The following XYLT2 variants were observed in gnomAD, a reference collection of about 807,000 sequenced individuals.
The protein encoded by XYLT2 is xylosyltransferase 2, also known as UDP-D-xylose:proteoglycan core protein beta-D-xylosyltransferase.
A neutral mutation model predicts 82.6 loss-of-function variants in XYLT2; 37 were observed. That is an observed-to-expected ratio of 0.45 (90% CI 0.34 to 0.59). The LOEUF is 0.59. XYLT2 is among the 20% of genes least tolerant of loss of function. The pLI, the probability that XYLT2 is intolerant of heterozygous loss-of-function variation, is 0.01. For missense variants in XYLT2, 934 were observed against 1,181.3 expected, an observed-to-expected ratio of 0.79 and a Z score of 3.07; for synonymous variants, 474 against 499.0, an observed-to-expected ratio of 0.95 and a Z score of 0.67.
chr17:50,354,750 C>T (rs1598350665), intron 3 of XYLT2, 104 bp from the exon 4 acceptor site: 5 of 1,561,496 alleles, frequency 3.2e-6, no homozygotes, highest in Non-Finnish European at 4.3e-6. Context: ...GGGCTGGAGC[C>T]CTGCCCTGTG....
chr17:50,359,942 T>C (rs2143246416), intron 10 of XYLT2, 27 bp from the exon 11 acceptor site: 1 of 1,532,770 alleles, frequency 6.5e-7, no homozygotes, highest in Non-Finnish European at 8.8e-7. Context: ...GCAGGGGGTG[T>C]GCTTACTGCC....
At position 50,354,416 on chromosome 17, in the gene XYLT2, A is replaced by G. The variant is rs745332027; in HGVS notation, c.637A>G (p.Ser213Gly). ...PRHCQLTGKM[S>G]PGIQWDESQA... is the part of the protein sequence containing the mutation. Reference sequence around the variant, plus strand: ...CTGTCCTCTGCTCTCAGGGAAGATGAGCCCCGGCATCCAGTGGGATGAGAG... The same window carrying G: ...CTGTCCTCTGCTCTCAGGGAAGATGGGCCCCGGCATCCAGTGGGATGAGAG... The change falls in exon 3 of 11, where the codon AGC (serine) becomes GGC (glycine). Residue 213 changes from serine (S) to glycine (G), a missense_variant. Around this residue, in one of 3 missense-constraint regions of XYLT2, gnomAD observed 371 missense variants for 394.9 expected, o/e 0.94. Coordinates refer to ENST00000017003, the MANE Select transcript of XYLT2 (RefSeq NM_022167.4). 3.2e-5 allele frequency: 51 copies of G among 1,606,978 alleles called. No individual in the cohort carries two copies. Among genetic ancestry groups the G allele is most frequent in the Non-Finnish European group, 4.1e-5 (48 of 1,176,962 alleles).
chr17:50,346,693 A>T lies in XYLT2; in HGVS notation c.135+418A>T, dbSNP rs1163913795. Reference sequence around the variant, plus strand: ...GGGATATGCGCGCCGTGGGCGGAGGAGTAGGGCCAAGGGACTCAGGGCGTC... The same window carrying T: ...GGGATATGCGCGCCGTGGGCGGAGGTGTAGGGCCAAGGGACTCAGGGCGTC... On this transcript the variant is annotated intron_variant, in intron 1 of 10. Transcript: ENST00000017003. The surrounding 1 kb of genome is among the most constrained non-coding windows in gnomAD (Gnocchi z 5.1). 1.1e-5 allele frequency: 11 copies of T among 985,086 alleles called. No homozygotes were observed. The East Asian group carries it at 1.3e-3, about 112-fold the overall frequency. The allele number at this position is 985,086 out of a possible 1,614,324, so 61.0% of individuals were successfully genotyped here. A position where few individuals can be genotyped will look rare whatever the true frequency, so the allele number is the denominator to read the frequency against.
At chr17:50,347,908 T>C (rs1424558524) in intron 1 of XYLT2, among the ~76,000 whole-genome samples, 1 of 152,200 alleles carries the variant, frequency 6.6e-6, no homozygotes, top group Non-Finnish European at 1.5e-5. Context: ...AGCAAATCAC[T>C]TTGCCTCCTC....
chr17:50,346,730 G>A lies in XYLT2; in HGVS notation c.135+455G>A, dbSNP rs1215407873. The A allele has an allele frequency of 1.0e-6, 1 of 985,304 alleles. No individual in the cohort carries two copies. The highest frequency in any genetic ancestry group is 6.1e-5 in the Admixed American group (1 of 16,270). The allele number at this position is 985,304 out of a possible 1,614,324, so 61.0% of individuals were successfully genotyped here. A position where few individuals can be genotyped will look rare whatever the true frequency, so the allele number is the denominator to read the frequency against. On this transcript the variant is annotated intron_variant, in intron 1 of 10. Coordinates refer to ENST00000017003, the MANE Select transcript of XYLT2 (RefSeq NM_022167.4). This position sits in a 1 kb window ranked among gnomAD's most constrained non-coding sequence, Gnocchi z 5.1. ...GGACTCAGGGCGTCCTTCCCCAGCT[G>A]AGCCCGAGGGGCAGCGGCCGGTGAG...
At position 50,360,636 on chromosome 17, in the gene XYLT2, A is replaced by T; in HGVS notation, c.*345A>T. ...TGGTTGGGAGAGAAACTAGAACAGA[A>T]GATGTGCAATAGGGCTCAGAGCAGC... On this transcript the variant is annotated 3_prime_UTR_variant, in exon 11 of 11. Coordinates refer to ENST00000017003, the MANE Select transcript of XYLT2 (RefSeq NM_022167.4). 1 of 1,042,732 alleles carries T rather than the reference A, an allele frequency of 9.6e-7. No homozygotes were observed. Among genetic ancestry groups the T allele is most frequent in the Non-Finnish European group, 1.2e-6 (1 of 867,576 alleles). The allele number at this position is 1,042,732 out of a possible 1,614,324, so 64.6% of individuals were successfully genotyped here. A position where few individuals can be genotyped will look rare whatever the true frequency, so the allele number is the denominator to read the frequency against.
rs760316455 is a variant in XYLT2 at position 50,356,629 on chromosome 17, A to G, written c.1601A>G (p.Lys534Arg). The G allele has an allele frequency of 1.9e-6, 3 of 1,614,116 alleles. No individual in the cohort carries two copies. The Admixed American group carries it at 5.0e-5, about 27-fold the overall frequency. The change falls in exon 8 of 11, where the codon AAG becomes AGG. Residue 534 changes from lysine to arginine, a missense_variant. Physicochemically the swap from Lys to Arg is conservative, Grantham distance 26 (BLOSUM62 2). Around this residue, in one of 3 missense-constraint regions of XYLT2, gnomAD observed 374 missense variants for 465.6 expected, o/e 0.80. Transcript: ENST00000017003. ...GSYPPGTPAL[K>R]AYWENTYDAA... The stretch of plus-strand genomic sequence containing the variant: ...TACCCCCCCGGCACGCCAGCCCTCA[A>G]GGCCTACTGGGAGAACACCTACGAC...
chr17:50,358,958 G>C (rs1051153155), intron 10 of XYLT2: 1 of 173,100 alleles, frequency 5.8e-6, no homozygotes, highest in East Asian at 1.5e-4. Context: ...CACAAAGCTA[G>C]GAAATGTCTC....
At chr17:50,357,591 T>TA in intron 9 of XYLT2, 5 of 224,822 alleles carry the variant, frequency 2.2e-5, no homozygotes, top group Non-Finnish European at 3.3e-5. Context: ...CTCCTCATAG[T>TA]CTTTTTTTTT....
chr17:50,359,932 G>A lies in XYLT2; in HGVS notation c.2276-37G>A, dbSNP rs28490012. 7.7e-3 allele frequency: 11,695 copies of A among 1,513,994 alleles called. 820 individuals carry two copies. The African/African-American group carries it at 0.15, about 19-fold the overall frequency. 93.8% of individuals were successfully genotyped at this position (1,513,994 alleles called of 1,614,324 possible). ...GGGTCTGGCCTCCACGGAGTCTGTT[G>A]CAGGGGGTGTGCTTACTGCCTGCTC... On this transcript the variant is annotated intron_variant, in intron 10 of 10. Transcript: ENST00000017003.
rs59572285 is a variant in XYLT2 at position 50,357,592 on chromosome 17, C to CTTT, written c.1941+355_1941+357dup. The CTTT allele has an allele frequency of 6.8e-4, 107 of 156,400 alleles. 2 individuals carry two copies. Among genetic ancestry groups the CTTT allele is most frequent in the African/African-American group, 2.6e-3 (98 of 37,124 alleles). 9.7% of individuals were successfully genotyped at this position (156,400 alleles called of 1,614,324 possible). ...ACACTTCTGAGTGGCTCCTCATAGTCTTTTTTTTTTTTTTTTTGAGACAGT... is the reference window on the plus strand; with the variant it reads ...ACACTTCTGAGTGGCTCCTCATAGTCTTTTTTTTTTTTTTTTTTTTGAGACAGT... On this transcript the variant is annotated intron_variant, in intron 9 of 10. Coordinates refer to ENST00000017003, the MANE Select transcript of XYLT2 (RefSeq NM_022167.4).
At chr17:50,350,669 C>G (rs1206885526) in intron 1 of XYLT2, among the ~76,000 whole-genome samples, 1 of 152,008 alleles carries the variant, frequency 6.6e-6, no homozygotes, top group Non-Finnish European at 1.5e-5. Context: ...CCTTGGGGAA[C>G]TTACAATCTT....
In XYLT2 at chr17:50,356,555, T is replaced by C. The variant is rs762222377; in HGVS notation, c.1527T>C (p.Thr509=). ...PTFFARKFES[T]VNQEVLEILD... is the part of the protein sequence containing the mutation. ...TCTTCGCCCGGAAGTTCGAGTCGAC[T>C]GTGAACCAGGAGGTGCTGGAAATCC... The change falls in exon 8 of 11, where the codon ACT becomes ACC. Residue 509 remains threonine, a synonymous_variant. Coordinates refer to ENST00000017003, the MANE Select transcript of XYLT2 (RefSeq NM_022167.4). 2.5e-6 allele frequency: 4 copies of C among 1,614,024 alleles called. No individual in the cohort carries two copies. Among genetic ancestry groups the C allele is most frequent in the Admixed American group, 3.3e-5 (2 of 60,004 alleles).
chr17:50,356,540 G>A lies in XYLT2; in HGVS notation c.1512G>A (p.Arg504=). The A allele has an allele frequency of 6.2e-7, 1 of 1,614,124 alleles. No individual in the cohort carries two copies. Among genetic ancestry groups the A allele is most frequent in the Non-Finnish European group, 8.5e-7 (1 of 1,180,020 alleles). The part of the protein sequence containing the change: ...QQVSRPTFFA[R]KFESTVNQEV... ...TCTCCAGACCCACCTTCTTCGCCCGGAAGTTCGAGTCGACTGTGAACCAGG... is the reference window on the plus strand; with the variant it reads ...TCTCCAGACCCACCTTCTTCGCCCGAAAGTTCGAGTCGACTGTGAACCAGG... Residue 504 remains arginine, a synonymous_variant, in exon 8 of 11, where the codon CGG becomes CGA. Transcript: ENST00000017003.
intron 1 of XYLT2, among the ~76,000 whole-genome samples, chr17:50,348,006 T>C (rs1235936684): frequency 6.6e-6 from 1 of 152,232 alleles, no homozygotes; most frequent in African/African-American, 2.4e-5. Flanking sequence ...GTGAAAATGA[T>C]GCCTGTGAAG....
Position 50,360,296 on chromosome 17 carries a change from G to T in XYLT2, c.*5G>T. On this transcript the variant is annotated 3_prime_UTR_variant, in exon 11 of 11. Coordinates refer to ENST00000017003, the MANE Select transcript of XYLT2 (RefSeq NM_022167.4). ...GCAGACGGGCGACTCAGGTAGCAGGGCCCCAGCCAGTACCCGTGGAGGACC... is the reference window on the plus strand; with the variant it reads ...GCAGACGGGCGACTCAGGTAGCAGGTCCCCAGCCAGTACCCGTGGAGGACC... 6.4e-7 allele frequency: 1 copy of T among 1,558,778 alleles called. No homozygotes were observed. Among genetic ancestry groups the T allele is most frequent in the Non-Finnish European group, 8.7e-7 (1 of 1,152,966 alleles).
Position 50,353,815 on chromosome 17 carries a change from G to A in XYLT2, c.321G>A (p.Arg107=). Residue 107 remains arginine (R), a synonymous_variant, in exon 2 of 11, where the codon CGG becomes CGA. Transcript: ENST00000017003. ...TAACCAGCCGGCAGAGAGCCAGCCG[G>A]CGGGTCCCACCTGCCCCACCCCCGG... is the stretch of plus-strand genomic sequence containing the variant. ...RAVTSRQRAS[R]RVPPAPPPEA... 1 of 1,576,912 alleles carries A rather than the reference G, an allele frequency of 6.3e-7. No homozygotes were observed. Among genetic ancestry groups the A allele is most frequent in the Non-Finnish European group, 8.6e-7 (1 of 1,162,474 alleles).
intron 7 of XYLT2, 103 bp downstream of exon 7, chr17:50,356,364 C>T: frequency 6.5e-7 from 1 of 1,550,036 alleles, no homozygotes. Flanking sequence ...GGGGCCACGG[C>T]CTGCAGCAAC....
chr17:50,355,144 G>A, intron 4 of XYLT2, 88 bp downstream of exon 4: 1 of 1,382,390 alleles, frequency 7.2e-7, no homozygotes, highest in Non-Finnish European at 9.8e-7. Context: ...GACCTTCTCT[G>A]CCCCATAAGC....
Sources: allele counts gnomAD v4.1 joint callset (sites outside exome capture counted in the v4.1 genomes callset), GRCh38; gene constraint gnomAD v4.1.1; regional missense constraint gnomAD v4.1.1; non-coding constraint Gnocchi (gnomAD v3.1); transcripts MANE v1.5; gene names NCBI Gene and HGNC (gene_info 2026-07-23, HGNC 2026-07-21).